Variants in SPRY3 observed in about 807,000 individuals in gnomAD.
SPRY3 encodes sprouty RTK signaling antagonist 3.
SPRY3 carries 15 observed loss-of-function variants against 20.2 expected under a neutral mutation model. The observed-to-expected ratio is 0.74, with a 90% CI of 0.50 to 1.14. The LOEUF (loss-of-function observed/expected upper bound fraction) is 1.14, where lower values mean the gene tolerates loss of function less well. Among genes scored for constraint, SPRY3 ranks in the 50% most tolerant of loss-of-function variants. The pLI is 0.00. For missense variants in SPRY3, 364 were observed against 363.9 expected (o/e 1.00, Z 0.00); for synonymous variants, 143 against 136.5 (o/e 1.05, Z -0.33).
chrX:155,634,538 T>C lies in SPRY3; in HGVS notation c.-441+21891T>C, dbSNP rs782257342. ...AAAGGCAGCTGGACTGACTGAACAATGGTTAGGCTGCTGAAGATCCAGTTG... is the reference window on the plus strand; with the variant it reads ...AAAGGCAGCTGGACTGACTGAACAACGGTTAGGCTGCTGAAGATCCAGTTG... On this transcript the variant is annotated intron_variant, in intron 1 of 3. Coordinates refer to ENST00000675360, the Ensembl canonical transcript of SPRY3. 3.7e-4 allele frequency among the ~76,000 whole-genome samples: 41 copies of C among 111,752 alleles called. 1 individual carries two copies. The highest frequency in any genetic ancestry group is 3.6e-3 in the Admixed American group (38 of 10,485).
chrX:155,658,771 G>A (rs1485569092), intron 2 of SPRY3, among the ~76,000 whole-genome samples: 5 of 111,915 alleles, frequency 4.5e-5, no homozygotes, highest in African/African-American at 1.6e-4. Flanking sequence ...CCTGTTCTTA[G>A]GGGGAATACT....
chrX:155,712,865 A>G (rs1022491680), intron 2 of SPRY3, among the ~76,000 whole-genome samples: 5 of 151,888 alleles, frequency 3.3e-5, no homozygotes, highest in Admixed American at 2.0e-4. Flanking sequence ...TGAGGTTACC[A>G]TGAGGCCTGC....
chrX:155,772,998 G>A (rs1241579452), intron 3 of SPRY3, among the ~76,000 whole-genome samples: 3 of 151,982 alleles, frequency 2.0e-5, no homozygotes, highest in East Asian at 1.9e-4. Flanking sequence ...TTACTCCCAC[G>A]TGTACAAAAG....
At chrX:155,704,466 T>A (rs1463264357) in intron 2 of SPRY3, among the ~76,000 whole-genome samples, 4 of 151,562 alleles carry the variant, frequency 2.6e-5, no homozygotes, top group African/African-American at 9.7e-5. Flanking sequence ...TTTAGACCAA[T>A]AAATTGATTA....
intron 2 of SPRY3, among the ~76,000 whole-genome samples, chrX:155,710,198 G>T (rs1261476516): frequency 1.3e-5 from 2 of 151,650 alleles, no homozygotes; most frequent in Non-Finnish European, 3.0e-5. Context: ...TTTCTGTGAA[G>T]AATATCACTG....
At chrX:155,733,674 C>T (rs2091149689) in intron 2 of SPRY3, among the ~76,000 whole-genome samples, 1 of 152,024 alleles carries the variant, frequency 6.6e-6, no homozygotes, top group Non-Finnish European at 1.5e-5. Flanking sequence ...TGAAGTCAGG[C>T]ATTGACTTCT....
chrX:155,712,490 T>C (rs946963728), intron 2 of SPRY3, among the ~76,000 whole-genome samples: 3 of 152,022 alleles, frequency 2.0e-5, no homozygotes, highest in African/African-American at 7.2e-5. Context: ...TTGTCTGATA[T>C]ATGTATAGCT....
At chrX:155,630,513 G>A (rs1280390745) in intron 1 of SPRY3, among the ~76,000 whole-genome samples, 5 of 111,816 alleles carry the variant, frequency 4.5e-5, no homozygotes, top group African/African-American at 1.3e-4. Context: ...TTGGTTGACA[G>A]TGGTGTTTTT....
intron 2 of SPRY3, among the ~76,000 whole-genome samples, chrX:155,705,296 T>A (rs1177585147): frequency 2.0e-5 from 3 of 151,616 alleles, no homozygotes; most frequent in Non-Finnish European, 1.5e-5. Context: ...AGTAGGAGAA[T>A]AATATTTGCT....
At chrX:155,666,396 T>A (rs1392246940) in intron 2 of SPRY3, among the ~76,000 whole-genome samples, 1 of 111,646 alleles carries the variant, frequency 9.0e-6, no homozygotes, top group Non-Finnish European at 1.9e-5. Flanking sequence ...TTAAATGAAA[T>A]AATGACTTGA....
downstream of SPRY3, chrX:155,779,456 G>A (rs1015038885): frequency 1.0e-4 from 17 of 166,868 alleles, no homozygotes; most frequent in African/African-American, 4.1e-4. Flanking sequence ...TTATTCTCTA[G>A]CTTGCTTTAA....
chrX:155,617,713 A>T (rs1292968053), intron 1 of SPRY3, among the ~76,000 whole-genome samples: 1 of 111,980 alleles, frequency 8.9e-6, no homozygotes, highest in Non-Finnish European at 1.9e-5. Context: ...AGGAGGAGTT[A>T]TAGAACTTCT....
chrX:155,721,675 A>G (rs2091059365), intron 2 of SPRY3, among the ~76,000 whole-genome samples: 1 of 152,144 alleles, frequency 6.6e-6, no homozygotes, highest in Admixed American at 6.5e-5. Flanking sequence ...AAGGAAAAAA[A>G]AAAACTTTAT....
intron 2 of SPRY3, among the ~76,000 whole-genome samples, chrX:155,668,137 C>T (rs781932061): frequency 4.5e-5 from 5 of 110,721 alleles, no homozygotes; most frequent in Non-Finnish European, 9.5e-5. Flanking sequence ...GCATGTTCAC[C>T]CAAAAACGTG....
chrX:155,637,079 A>G (rs1557351114), intron 1 of SPRY3, among the ~76,000 whole-genome samples: 2 of 104,174 alleles, frequency 1.9e-5, no homozygotes, highest in Non-Finnish European at 3.9e-5. Flanking sequence ...GATATACCTA[A>G]TGCTAGATGA....
chrX:155,648,904 C>A (rs1355785747), intron 1 of SPRY3, among the ~76,000 whole-genome samples: 4 of 111,325 alleles, frequency 3.6e-5, no homozygotes, highest in Non-Finnish European at 7.6e-5. Flanking sequence ...AGAGAAGAAT[C>A]AAATAGACAA....
intron 3 of SPRY3, among the ~76,000 whole-genome samples, chrX:155,768,683 T>C (rs1228782506): frequency 6.6e-6 from 1 of 152,130 alleles, no homozygotes; most frequent in Non-Finnish European, 1.5e-5. Flanking sequence ...AGAGCAGTGA[T>C]TTAGAAATCT....
chrX:155,673,586 A>G (rs1382127041), intron 2 of SPRY3, among the ~76,000 whole-genome samples: 1 of 111,854 alleles, frequency 8.9e-6, no homozygotes, highest in Non-Finnish European at 1.9e-5. Context: ...GTTCTCAAAT[A>G]TTCAATGCCT....
exon 4 of SPRY3, chrX:155,775,075 C>A: frequency 2.6e-6 from 1 of 379,312 alleles, no homozygotes; most frequent in Non-Finnish European, 4.9e-6. Context: ...CAATGTAATA[C>A]CTCTCGATGC....
Sources: gnomAD v4.1 joint callset for allele counts (sites outside exome capture counted in the v4.1 genomes callset) on GRCh38, gnomAD v4.1.1 for gene constraint, MANE v1.5 for transcripts, NCBI Gene and HGNC (gene_info 2026-07-23, HGNC 2026-07-21) for gene names.